Variants in SLC44A5 observed in about 807,000 individuals in gnomAD.
SLC44A5 encodes the protein choline transporter-like protein 5.
In SLC44A5, 57 loss-of-function variants were observed where a neutral mutation model predicts 101.8. The ratio of observed to expected loss-of-function variants is 0.56; its 90% CI spans 0.45 to 0.70. The LOEUF is 0.70. Ranked by LOEUF, SLC44A5 falls within the 30% of genes least tolerant of loss-of-function variation. The pLI, the probability that SLC44A5 is intolerant of heterozygous loss-of-function variation, is 0.00. For synonymous variants in SLC44A5, 281 were observed against 290.9 expected, an observed-to-expected ratio of 0.97 and a Z score of 0.35; for missense variants, 737 against 853.1, an observed-to-expected ratio of 0.86 and a Z score of 1.70.
At chr1:75,569,992 C>T (rs1030997495) in intron 1 of SLC44A5, among the ~76,000 whole-genome samples, 1 of 152,136 alleles carries the variant, frequency 6.6e-6, no homozygotes, top group Non-Finnish European at 1.5e-5. Context: ...CTAAGCAACT[C>T]GGAAGCCAGA....
chr1:75,324,859 A>G (rs1656455335), intron 4 of SLC44A5, among the ~76,000 whole-genome samples: 1 of 152,212 alleles, frequency 6.6e-6, no homozygotes. Context: ...AAATATCGCA[A>G]GTCAAATACC....
chr1:75,660,695 G>A, the SLC44A5 span, among the ~76,000 whole-genome samples: 2 of 152,044 alleles, frequency 1.3e-5, no homozygotes. Context: ...AAGTAATCAA[G>A]AAAGCAAGCC....
At chr1:75,203,923 T>A (rs1646703710) in intron 23 of SLC44A5, 90 bp from the exon 24 acceptor site, 1 of 1,318,434 alleles carries the variant, frequency 7.6e-7, no homozygotes, top group South Asian at 1.8e-5. Context: ...TTTACAGCAG[T>A]TCAAAATCCT....
chr1:75,335,855 A>G (rs936910414), intron 4 of SLC44A5, among the ~76,000 whole-genome samples: 1 of 152,180 alleles, frequency 6.6e-6, no homozygotes, highest in African/African-American at 2.4e-5. Flanking sequence ...CCTGCCCAGG[A>G]ATCAGCACCT....
chr1:75,563,488 T>A (rs1281782139), intron 1 of SLC44A5, among the ~76,000 whole-genome samples: 1 of 152,044 alleles, frequency 6.6e-6, no homozygotes, highest in Non-Finnish European at 1.5e-5. Flanking sequence ...TCATCCCAGT[T>A]GAGATATTAT....
intron 6 of SLC44A5, among the ~76,000 whole-genome samples, chr1:75,270,833 G>A (rs2100730654): frequency 6.6e-6 from 1 of 152,194 alleles, no homozygotes; most frequent in East Asian, 1.9e-4. Flanking sequence ...GCCTATCTTT[G>A]AAAGATCATT....
the SLC44A5 span, chr1:75,642,229 T>C: frequency 1.8e-6 from 1 of 542,140 alleles, no homozygotes; most frequent in Non-Finnish European, 3.2e-6. Flanking sequence ...ATACAATCAC[T>C]TGATATTATG....
intron 2 of SLC44A5, among the ~76,000 whole-genome samples, chr1:75,467,495 T>C (rs1001449968): frequency 1.1e-4 from 17 of 152,050 alleles, no homozygotes; most frequent in Admixed American, 8.5e-4. Context: ...CATAGACCAA[T>C]GGAACAGAAT....
chr1:75,702,363 C>G, the SLC44A5 span, among the ~76,000 whole-genome samples: 1 of 152,156 alleles, frequency 6.6e-6, no homozygotes, highest in Non-Finnish European at 1.5e-5. Flanking sequence ...CACATATCTA[C>G]AACCATCTGA....
At chr1:75,693,376 A>T in the SLC44A5 span, among the ~76,000 whole-genome samples, 1 of 152,192 alleles carries the variant, frequency 6.6e-6, no homozygotes, top group South Asian at 2.1e-4. Flanking sequence ...CACCCATTTC[A>T]GCAGCCCCGG....
intron 14 of SLC44A5, among the ~76,000 whole-genome samples, chr1:75,221,979 G>C (rs1291343536): frequency 7.3e-6 from 1 of 137,700 alleles, no homozygotes; most frequent in Non-Finnish European, 1.6e-5. Flanking sequence ...TTTTTTTTGA[G>C]ACAGAGTTTT....
upstream of SLC44A5, chr1:75,611,210 G>T: frequency 2.1e-6 from 1 of 467,638 alleles, no homozygotes; most frequent in Non-Finnish European, 2.8e-6. Flanking sequence ...TACTAGCCTT[G>T]CTAGCCTCAA....
chr1:75,579,553 T>C (rs74091759), intron 1 of SLC44A5, among the ~76,000 whole-genome samples: 23,381 of 152,220 alleles, frequency 0.15, 2,049 homozygotes, highest in Admixed American at 0.23. Flanking sequence ...CCTACACTAA[T>C]ATATTCCTTT....
chr1:75,431,139 C>G (rs1356111207), intron 2 of SLC44A5, among the ~76,000 whole-genome samples: 1 of 152,096 alleles, frequency 6.6e-6, no homozygotes, highest in Non-Finnish European at 1.5e-5. Flanking sequence ...AAAAATCTCT[C>G]CAGTCAAAAG....
At chr1:75,548,421 C>T (rs886104395) in intron 1 of SLC44A5, among the ~76,000 whole-genome samples, 13 of 152,064 alleles carry the variant, frequency 8.5e-5, no homozygotes, top group African/African-American at 2.9e-4. Flanking sequence ...TACCATTAAG[C>T]AACCACTATA....
At chr1:75,483,447 C>T (rs1667982031) in intron 2 of SLC44A5, among the ~76,000 whole-genome samples, 1 of 152,074 alleles carries the variant, frequency 6.6e-6, no homozygotes, top group African/African-American at 2.4e-5. Context: ...CAAGATAAAA[C>T]AGAGATGTGC....
rs1319636139 is a variant in SLC44A5, at chr1:75,269,910, T to C, written c.260+5048A>G. On this transcript the variant is annotated intron_variant, in intron 6 of 23. Coordinates refer to ENST00000370859, the MANE Select transcript of SLC44A5 (RefSeq NM_001130058.2). ...TGGGAGGGAACCCGTGGGAGATAATTGAATGGTGGGGGCAGTTTCTCCCAT... is the reference window on the plus strand; with the variant it reads ...TGGGAGGGAACCCGTGGGAGATAATCGAATGGTGGGGGCAGTTTCTCCCAT... Among the ~76,000 whole-genome samples, 3 of 152,294 alleles carry C rather than the reference T, an allele frequency of 2.0e-5. No individual in the cohort carries two copies. In the East Asian group the frequency reaches 5.8e-4, roughly 29 times the overall value.
intron 2 of SLC44A5, among the ~76,000 whole-genome samples, chr1:75,400,230 A>G (rs748207499): frequency 6.6e-6 from 1 of 152,250 alleles, no homozygotes; most frequent in Non-Finnish European, 1.5e-5. Flanking sequence ...ACAACATATT[A>G]GGTACTATGT....
intron 1 of SLC44A5, among the ~76,000 whole-genome samples, chr1:75,576,961 A>C (rs1673404904): frequency 6.6e-6 from 1 of 152,200 alleles, no homozygotes; most frequent in East Asian, 1.9e-4. Context: ...CTCAAATCCA[A>C]AATGTCCAAA....
Sources: gnomAD v4.1 joint callset for allele counts (sites outside exome capture counted in the v4.1 genomes callset) on GRCh38, gnomAD v4.1.1 for gene constraint, MANE v1.5 for transcripts, NCBI Gene and HGNC (gene_info 2026-07-23, HGNC 2026-07-21) for gene names.